The following MYT1L variants were observed in gnomAD, a reference collection of about 807,000 sequenced individuals.
MYT1L encodes myelin transcription factor 1-like protein.
In MYT1L, 12 loss-of-function variants were observed where a neutral mutation model predicts 126.7. That is an observed-to-expected ratio of 0.09 (90% CI 0.06 to 0.15). The LOEUF is 0.15. MYT1L is among the 10% of genes least tolerant of loss of function. MYT1L has a pLI of 1.00. For missense variants in MYT1L, 979 were observed against 1,585.2 expected (o/e 0.62, Z 6.49); for synonymous variants, 541 against 604.2 (o/e 0.90, Z 1.53).
chr2:2,265,756 C>A (rs1190879166), intron 2 of MYT1L, among the ~76,000 whole-genome samples: 2 of 152,050 alleles, frequency 1.3e-5, no homozygotes, highest in Admixed American at 6.6e-5. Context: ...AATCCAAATA[C>A]ATGAAGAGAA....
chr2:1,822,214 T>C (rs1014745914), intron 21 of MYT1L, among the ~76,000 whole-genome samples: 2 of 152,220 alleles, frequency 1.3e-5, no homozygotes, highest in Non-Finnish European at 2.9e-5. Flanking sequence ...GATGGGATGG[T>C]CTGCACTTCC....
At chr2:1,945,136 G>C (rs2057084646) in intron 8 of MYT1L, among the ~76,000 whole-genome samples, 1 of 152,202 alleles carries the variant, frequency 6.6e-6, no homozygotes, top group South Asian at 2.1e-4. Flanking sequence ...TGGGCCAGGA[G>C]GTGGAGGTCA....
intron 2 of MYT1L, among the ~76,000 whole-genome samples, chr2:2,179,668 T>C (rs1239137654): frequency 6.6e-6 from 1 of 152,202 alleles, no homozygotes; most frequent in Non-Finnish European, 1.5e-5. Context: ...TGAGGAACAG[T>C]AGGAATCGGA....
intron 2 of MYT1L, among the ~76,000 whole-genome samples, chr2:2,187,054 C>T (rs1278691707): frequency 6.6e-6 from 1 of 152,162 alleles, no homozygotes; most frequent in African/African-American, 2.4e-5. Context: ...GCAATTCATC[C>T]TCACACAATC....
chr2:1,933,689 G>A (rs1017928900), intron 9 of MYT1L, among the ~76,000 whole-genome samples: 20 of 152,128 alleles, frequency 1.3e-4, no homozygotes, highest in African/African-American at 4.8e-4. Context: ...AGACTGCACT[G>A]AGCTCAGTGG....
intron 2 of MYT1L, among the ~76,000 whole-genome samples, chr2:2,226,792 C>T (rs1369041440): frequency 6.6e-6 from 1 of 152,178 alleles, no homozygotes; most frequent in Non-Finnish European, 1.5e-5. Flanking sequence ...AATTGGGTCT[C>T]ATTTTCTGGA....
intron 2 of MYT1L, among the ~76,000 whole-genome samples, chr2:2,206,817 A>G (rs932764324): frequency 3.3e-5 from 5 of 152,096 alleles, no homozygotes; most frequent in Admixed American, 1.3e-4. Context: ...TCTTTTCCAT[A>G]GCCTATTTAG....
intron 3 of MYT1L, among the ~76,000 whole-genome samples, chr2:2,125,931 A>G (rs935427205): frequency 6.6e-6 from 1 of 152,364 alleles, no homozygotes; most frequent in Middle Eastern, 3.4e-3. Flanking sequence ...ATCAAAAGTA[A>G]GAACAGACGG....
rs1558414517 is a variant in MYT1L at position 1,923,273 on chromosome 2, A to C, written c.506-10T>G. The C allele has an allele frequency of 6.4e-7, 1 of 1,552,622 alleles. No homozygotes were observed. The highest frequency in any genetic ancestry group is 8.7e-7 in the Non-Finnish European group (1 of 1,147,384). On this transcript the variant is annotated splice_polypyrimidine_tract_variant and intron_variant, in intron 9 of 24. Transcript: ENST00000647738. ...TTCATTTGATGGTCTTCTGCAAAGA[A>C]AATAAAAAAGACAAAAAAGAAAAGA...
chr2:2,145,970 C>A (rs2084818482), intron 3 of MYT1L, among the ~76,000 whole-genome samples: 1 of 152,140 alleles, frequency 6.6e-6, no homozygotes, highest in Non-Finnish European at 1.5e-5. Context: ...AGTGTTCCCC[C>A]CGATCTCATG....
rs374703726 is a variant in MYT1L, at chr2:1,951,762, G to A, written c.153-8428C>T. ...ATGAAACACCCAACGACTAGCAAGC[G>A]GGGGTGCTTCCCAAATCTGAGTTCT... is the stretch of plus-strand genomic sequence containing the variant. On this transcript the variant is annotated intron_variant, in intron 8 of 24. Coordinates refer to ENST00000647738, the MANE Select transcript of MYT1L (RefSeq NM_001303052.2). Among the ~76,000 whole-genome samples, 13 of 152,298 alleles carry A rather than the reference G, an allele frequency of 8.5e-5. No individual in the cohort carries two copies. In the South Asian group the frequency reaches 1.5e-3, roughly 17 times the overall value.
At chr2:1,851,268 ACT>A (rs987198513) in intron 19 of MYT1L, among the ~76,000 whole-genome samples, 1 of 151,970 alleles carries the variant, frequency 6.6e-6, no homozygotes, top group Non-Finnish European at 1.5e-5. Flanking sequence ...TAAGAGACCA[ACT>A]CTCAGTGGCA....
intron 18 of MYT1L, among the ~76,000 whole-genome samples, chr2:1,883,231 C>G (rs960401036): frequency 6.6e-6 from 1 of 152,150 alleles, no homozygotes; most frequent in African/African-American, 2.4e-5. Flanking sequence ...TCAATGGAAG[C>G]CTATTTGTTG....
chr2:1,987,261 G>C (rs1177334121), intron 5 of MYT1L, among the ~76,000 whole-genome samples: 1 of 151,788 alleles, frequency 6.6e-6, no homozygotes, highest in Admixed American at 6.6e-5. Flanking sequence ...TTAACAAATT[G>C]GACTAACATC....
At chr2:1,867,116 C>CA (rs1260157073) in intron 18 of MYT1L, among the ~76,000 whole-genome samples, 2 of 151,432 alleles carry the variant, frequency 1.3e-5, no homozygotes, top group East Asian at 3.9e-4. Context: ...GGGAGAGAGA[C>CA]AGAGTCTTGC....
chr2:1,993,039 C>G (rs1285405701), intron 5 of MYT1L, among the ~76,000 whole-genome samples: 1 of 152,212 alleles, frequency 6.6e-6, no homozygotes, highest in Admixed American at 6.5e-5. Flanking sequence ...CCTGACCAAT[C>G]AGCACTCCTG....
At chr2:2,037,804 C>CAA (rs527384744) in intron 4 of MYT1L, among the ~76,000 whole-genome samples, 1 of 139,928 alleles carries the variant, frequency 7.1e-6, no homozygotes, top group South Asian at 2.3e-4. Flanking sequence ...AACAAAAAAA[C>CAA]AAAAAAAAAA....
chr2:1,934,013 C>T (rs867560379), intron 9 of MYT1L, among the ~76,000 whole-genome samples: 130 of 124,262 alleles, frequency 1.0e-3, no homozygotes, highest in South Asian at 5.1e-3. Context: ...CTTGCTCTGT[C>T]GCCCAGGCTG....
chr2:2,329,493 T>A (rs902439599), intron 1 of MYT1L, among the ~76,000 whole-genome samples: 1 of 152,206 alleles, frequency 6.6e-6, no homozygotes, highest in African/African-American at 2.4e-5. Flanking sequence ...AAAGCTGATG[T>A]CACTTTAAAT....
Sources: gnomAD v4.1 joint callset for allele counts (sites outside exome capture counted in the v4.1 genomes callset) on GRCh38, gnomAD v4.1.1 for gene constraint, MANE v1.5 for transcripts, NCBI Gene and HGNC (gene_info 2026-07-23, HGNC 2026-07-21) for gene names.